ZNF331: variants seen among roughly 807,000 people sequenced by gnomAD.
The protein encoded by ZNF331 is zinc finger protein 331.
Under a neutral mutation model 7.0 loss-of-function variants are expected in ZNF331, and 2 were observed. That is an observed-to-expected ratio of 0.29 (90% CI 0.12 to 0.90). ZNF331 has a LOEUF of 0.90. Among genes scored for constraint, ZNF331 ranks in the 40% least tolerant of loss-of-function variants. The pLI, the probability that ZNF331 is intolerant of heterozygous loss-of-function variation, is 0.58. For synonymous variants in ZNF331, 196 were observed against 205.4 expected (o/e 0.95, Z 0.39); for missense variants, 432 against 587.7 (o/e 0.74, Z 2.74).
Position 53,576,916 on chromosome 19 carries a change from C to T in ZNF331, c.356C>T (p.Pro119Leu), listed in dbSNP as rs1214945221. 1 of 1,614,124 alleles carries T rather than the reference C, an allele frequency of 6.2e-7. No individual in the cohort carries two copies. The highest frequency in any genetic ancestry group is 8.5e-7 in the Non-Finnish European group (1 of 1,180,016). Residue 119 changes from proline (P) to leucine (L), a missense_variant, in exon 6 of 6, where the codon CCT becomes CTT. Transcript: ENST00000449416. ...CCTGCTACTAGAGAAGGCACCCCTC[C>T]TAGAACACATCAGAGACATCATAAG... ...KRPATREGTP[P>L]RTHQRHHKEN...
At chr19:53,546,318 G>A (rs1019213496) in intron 2 of ZNF331, among the ~76,000 whole-genome samples, 1 of 151,910 alleles carries the variant, frequency 6.6e-6, no homozygotes, top group South Asian at 2.1e-4. Context: ...TATGACTTAG[G>A]ACTCTTTACT....
the ZNF331 span, among the ~76,000 whole-genome samples, chr19:53,506,883 C>T: frequency 3.9e-5 from 6 of 152,062 alleles, no homozygotes; most frequent in African/African-American, 1.2e-4. Context: ...ATTTGCCACC[C>T]GTTGGGGGCG....
chr19:53,569,501 A>G, intron 4 of ZNF331, 116 bp downstream of exon 4: 1 of 1,269,052 alleles, frequency 7.9e-7, no homozygotes, highest in Non-Finnish European at 1.1e-6. Context: ...CCTGTTTCCC[A>G]GCTCTTTCTA....
intron 2 of ZNF331, among the ~76,000 whole-genome samples, chr19:53,530,608 AG>A (rs2087499481): frequency 6.6e-6 from 1 of 152,230 alleles, no homozygotes; most frequent in African/African-American, 2.4e-5. Flanking sequence ...TTGAAGGACA[AG>A]TTCAGAGGTA....
chr19:53,552,074 A>G (rs1469204525), intron 2 of ZNF331, among the ~76,000 whole-genome samples: 2 of 152,202 alleles, frequency 1.3e-5, no homozygotes, highest in Non-Finnish European at 2.9e-5. Flanking sequence ...AATACCCACT[A>G]TACAAATAAC....
chr19:53,511,110 G>T, the ZNF331 span, among the ~76,000 whole-genome samples: 6 of 152,236 alleles, frequency 3.9e-5, no homozygotes, highest in African/African-American at 1.4e-4. Context: ...AGGGAAATCA[G>T]GGTGGAGATG....
the ZNF331 span, among the ~76,000 whole-genome samples, chr19:53,508,808 ATCCCTGTT>A: frequency 6.6e-6 from 1 of 152,214 alleles, no homozygotes; most frequent in African/African-American, 2.4e-5. Flanking sequence ...AAAAATCTTT[ATCCCTGTT>A]TCACCTTGCT....
chr19:53,510,307 T>C, the ZNF331 span, among the ~76,000 whole-genome samples: 30 of 152,090 alleles, frequency 2.0e-4, no homozygotes, highest in Non-Finnish European at 3.7e-4. Context: ...CGAGTGATGG[T>C]GGGGAGTGAC....
chr19:53,529,781 G>A (rs1023684388), intron 2 of ZNF331, among the ~76,000 whole-genome samples: 1 of 152,192 alleles, frequency 6.6e-6, no homozygotes, highest in African/African-American at 2.4e-5. Context: ...AAAGGACACA[G>A]CTGCTACCTG....
chr19:53,541,627 A>G (rs946055312), intron 2 of ZNF331, among the ~76,000 whole-genome samples: 3 of 152,082 alleles, frequency 2.0e-5, no homozygotes, highest in Non-Finnish European at 2.9e-5. Flanking sequence ...TATTTCTTAT[A>G]ATAGGATTAA....
At chr19:53,528,643 T>C (rs1274408958) in intron 2 of ZNF331, among the ~76,000 whole-genome samples, 1 of 152,232 alleles carries the variant, frequency 6.6e-6, no homozygotes, top group Non-Finnish European at 1.5e-5. Flanking sequence ...AAATTACATG[T>C]ACCTTTTTAA....
upstream of ZNF331, among the ~76,000 whole-genome samples, chr19:53,534,729 C>T (rs1410403077): frequency 6.6e-6 from 1 of 152,160 alleles, no homozygotes; most frequent in Non-Finnish European, 1.5e-5. Context: ...GCACCAGGCC[C>T]ACCTAGATAA....
chr19:53,559,376 C>CTA (rs2089672584), intron 3 of ZNF331, among the ~76,000 whole-genome samples: 1 of 147,786 alleles, frequency 6.8e-6, no homozygotes, highest in African/African-American at 2.6e-5. Context: ...CACACACACC[C>CTA]CATATATACA....
At chr19:53,523,314 G>A (rs2087163430) in intron 2 of ZNF331, 2 of 151,764 alleles carry the variant, frequency 1.3e-5, no homozygotes, top group African/African-American at 2.4e-5. Flanking sequence ...TGCGTCCTGG[G>A]TTGCAGCGAT....
upstream of ZNF331, among the ~76,000 whole-genome samples, chr19:53,520,629 C>CAAT (rs2087031888): frequency 6.6e-6 from 1 of 152,252 alleles, no homozygotes; most frequent in African/African-American, 2.4e-5. Context: ...GAAAAGCATT[C>CAAT]TGACGGCCGC....
intron 1 of ZNF331, 113 bp downstream of exon 1, chr19:53,538,409 C>T (rs1276479982): frequency 6.6e-6 from 1 of 152,212 alleles, no homozygotes; most frequent in Non-Finnish European, 1.5e-5. Flanking sequence ...AACTGGTGAC[C>T]GGGGGTGCTC....
At chr19:53,514,355 C>T in the ZNF331 span, among the ~76,000 whole-genome samples, 10,772 of 151,998 alleles carry the variant, frequency 0.071, 449 homozygotes, top group East Asian at 0.14. Flanking sequence ...CATGCCACCA[C>T]ACCCGGCAAA....
chr19:53,510,420 C>T, the ZNF331 span, among the ~76,000 whole-genome samples: 26 of 140,890 alleles, frequency 1.8e-4, no homozygotes, highest in East Asian at 4.6e-3. Flanking sequence ...TTAACCTGAT[C>T]GAAACTTGAA....
rs1030928230 is a variant in ZNF331 at position 53,576,368 on chromosome 19, A to G, written c.137-329A>G. ...GCTTTACACACAGCCATCCAACTGC[A>G]TATTGTTTTGTTACAGTACTTCTAT... is the stretch of plus-strand genomic sequence containing the variant. On this transcript the variant is annotated intron_variant, in intron 5 of 5. Coordinates refer to ENST00000449416, the MANE Select transcript of ZNF331 (RefSeq NM_001079906.2). Among the ~76,000 whole-genome samples the G allele has an allele frequency of 7.9e-5, 12 of 152,226 alleles. No homozygotes were observed. In the South Asian group the frequency reaches 1.2e-3, roughly 16 times the overall value.
Sources: allele counts gnomAD v4.1 joint callset (sites outside exome capture counted in the v4.1 genomes callset), GRCh38; gene constraint gnomAD v4.1.1; transcripts MANE v1.5; gene names NCBI Gene and HGNC (gene_info 2026-07-23, HGNC 2026-07-21).